Variants in DZANK1 observed in about 807,000 individuals in gnomAD.
DZANK1 encodes the protein double zinc ribbon and ankyrin repeat-containing protein 1.
DZANK1 carries 91 observed loss-of-function variants against 94.5 expected under a neutral mutation model. The observed-to-expected ratio is 0.96, with a 90% CI of 0.81 to 1.15. The LOEUF (loss-of-function observed/expected upper bound fraction) is 1.15, where lower values mean the gene tolerates loss of function less well. DZANK1 is among the 50% of genes most tolerant of loss of function. The pLI, the probability that DZANK1 is intolerant of heterozygous loss-of-function variation, is 0.00. For missense variants in DZANK1, 903 were observed against 916.4 expected (o/e 0.99, Z 0.19); for synonymous variants, 312 against 325.3 (o/e 0.96, Z 0.44).
intron 8 of DZANK1, among the ~76,000 whole-genome samples, chr20:18,438,835 A>G (rs971661001): frequency 1.1e-4 from 16 of 152,202 alleles, no homozygotes; most frequent in African/African-American, 3.9e-4. Flanking sequence ...CTGTGTCTTC[A>G]TATGGTGGAA....
chr20:18,426,577 A>T (rs8120921), intron 10 of DZANK1, among the ~76,000 whole-genome samples: 3,789 of 152,326 alleles, frequency 0.025, 157 homozygotes, highest in African/African-American at 0.086. Context: ...AAAATAGATC[A>T]TCACCGTATT....
Position 18,415,398 on chromosome 20 carries a change from TC to T in DZANK1, c.1005del (p.Thr336ProfsTer55), listed in dbSNP as rs775441744. The T allele has an allele frequency of 3.1e-6, 5 of 1,591,734 alleles. No homozygotes were observed. Among genetic ancestry groups the T allele is most frequent in the Admixed American group, 1.8e-5 (1 of 56,858 alleles). On this transcript the variant is annotated frameshift_variant, in exon 11 of 21. Coordinates refer to ENST00000262547, the Ensembl canonical transcript of DZANK1. LOFTEE classifies it high-confidence loss of function. Reference sequence around the variant, plus strand: ...CGACCACATCTGTAGCAGGAAATGGTCCCCCCTTTCTGAGTGGGCGGAGGAG... The same window carrying T: ...CGACCACATCTGTAGCAGGAAATGGTCCCCCTTTCTGAGTGGGCGGAGGAG...
chr20:18,401,584 T>A (rs977695991), intron 13 of DZANK1, among the ~76,000 whole-genome samples: 2 of 152,192 alleles, frequency 1.3e-5, no homozygotes, highest in African/African-American at 4.8e-5. Context: ...CAAGATTATT[T>A]CATCCACAAG....
intron 8 of DZANK1, among the ~76,000 whole-genome samples, chr20:18,435,065 G>C (rs576633043): frequency 6.6e-6 from 1 of 152,136 alleles, no homozygotes; most frequent in African/African-American, 2.4e-5. Flanking sequence ...CACCCACACC[G>C]CCCTGGCTGA....
intron 8 of DZANK1, among the ~76,000 whole-genome samples, chr20:18,443,129 C>A (rs879424843): frequency 1.3e-5 from 2 of 152,090 alleles, no homozygotes; most frequent in Admixed American, 1.3e-4. Context: ...AGATTCCAAT[C>A]TTTTTTAAGC....
At position 18,398,086 on chromosome 20, in the gene DZANK1, C is replaced by A. The variant is rs186457113; in HGVS notation, c.1536+437G>T. 4.6e-5 allele frequency among the ~76,000 whole-genome samples: 7 copies of A among 152,260 alleles called. No homozygotes were observed. In the East Asian group the frequency reaches 1.2e-3, roughly 25 times the overall value. ...TTAAAGTGATCACAAAGGTAATACA[C>A]CTCCCTTGCAGGTTTGCTGTGAAGG... On this transcript the variant is annotated intron_variant, in intron 14 of 20. Coordinates refer to ENST00000262547, the Ensembl canonical transcript of DZANK1.
intron 10 of DZANK1, chr20:18,420,552 G>T: frequency 8.9e-6 from 2 of 225,024 alleles, no homozygotes; most frequent in Non-Finnish European, 1.9e-5. Context: ...TCATCCTCTA[G>T]CACATGCCCC....
chr20:18,396,402 A>C, intron 15 of DZANK1, 70 bp downstream of exon 15: 3 of 1,288,968 alleles, frequency 2.3e-6, no homozygotes, highest in Non-Finnish European at 3.3e-6. Context: ...ACACAGAAGC[A>C]TTTCTATAAA....
intron 9 of DZANK1, 115 bp from the exon 10 acceptor site, chr20:18,427,274 G>C: frequency 1.6e-6 from 1 of 639,940 alleles, no homozygotes; most frequent in Non-Finnish European, 2.6e-6. Context: ...ACTGCACCCA[G>C]GCCCTGAATA....
intron 15 of DZANK1, chr20:18,394,788 C>T (rs2056241076): frequency 2.2e-6 from 1 of 457,554 alleles, no homozygotes; most frequent in African/African-American, 2.0e-5. Context: ...AATCCTGGGT[C>T]TGCCACTTAC....
intron 3 of DZANK1, among the ~76,000 whole-genome samples, chr20:18,458,595 C>T (rs1485029966): frequency 2.6e-5 from 4 of 152,210 alleles, no homozygotes; most frequent in Admixed American, 6.5e-5. Flanking sequence ...TTAACTTATT[C>T]GCCTCAGCAT....
At chr20:18,395,984 A>G (rs560368802) in intron 15 of DZANK1, among the ~76,000 whole-genome samples, 1 of 152,272 alleles carries the variant, frequency 6.6e-6, no homozygotes, top group South Asian at 2.1e-4. Context: ...TGGCTTCTCA[A>G]TTGATTGATT....
In DZANK1 at chr20:18,452,752, T is replaced by C; in HGVS notation, c.476-70A>G. On this transcript the variant is annotated intron_variant, in intron 5 of 20. Transcript: ENST00000262547. ...CCTACCTGGACGTCTACAATGATAT[T>C]AAAAACATTATTCTTTGAGCATCTG... 1 of 1,546,124 alleles carries C rather than the reference T, an allele frequency of 6.5e-7. No individual in the cohort carries two copies. Among genetic ancestry groups the C allele is most frequent in the Non-Finnish European group, 8.7e-7 (1 of 1,146,562 alleles).
At chr20:18,451,181 T>A (rs1443800525) in intron 6 of DZANK1, among the ~76,000 whole-genome samples, 1 of 152,162 alleles carries the variant, frequency 6.6e-6, no homozygotes, top group African/African-American at 2.4e-5. Flanking sequence ...CCTGACCTCA[T>A]GATCTGCCTG....
intron 13 of DZANK1, among the ~76,000 whole-genome samples, chr20:18,402,183 C>T (rs2056719045): frequency 6.6e-6 from 1 of 152,120 alleles, no homozygotes; most frequent in African/African-American, 2.4e-5. Context: ...GCAGGAAAGG[C>T]TCCCCCAACC....
At chr20:18,466,114 T>A (rs575106865) in intron 1 of DZANK1, among the ~76,000 whole-genome samples, 4 of 152,302 alleles carry the variant, frequency 2.6e-5, no homozygotes, top group African/African-American at 9.6e-5. Context: ...ACAGAAGGTT[T>A]CAGGGGGAAA....
rs2058993013 is a variant in DZANK1, at chr20:18,448,973, G to A, written c.629+11C>T. On this transcript the variant is annotated intron_variant, in intron 7 of 20. Transcript: ENST00000262547. Reference sequence around the variant, plus strand: ...GGATTTAAGGCAGAGTAAAGAGAATGTGATACTTACTTGAGAAAGTCTGTC... The same window carrying A: ...GGATTTAAGGCAGAGTAAAGAGAATATGATACTTACTTGAGAAAGTCTGTC... The A allele has an allele frequency of 1.9e-6, 3 of 1,591,122 alleles. No homozygotes were observed. The highest frequency in any genetic ancestry group is 1.1e-5 in the South Asian group (1 of 90,674).
intron 13 of DZANK1, among the ~76,000 whole-genome samples, chr20:18,410,575 A>G (rs1259007966): frequency 6.6e-6 from 1 of 152,246 alleles, no homozygotes; most frequent in African/African-American, 2.4e-5. Flanking sequence ...TTTATCAATA[A>G]TAACATTAAA....
At chr20:18,388,776 C>T (rs1267335539) in intron 19 of DZANK1, among the ~76,000 whole-genome samples, 1 of 152,166 alleles carries the variant, frequency 6.6e-6, no homozygotes, top group African/African-American at 2.4e-5. Context: ...TATTAAAATG[C>T]AGACATTAGT....
Sources: gnomAD v4.1 joint callset for allele counts (sites outside exome capture counted in the v4.1 genomes callset) on GRCh38, gnomAD v4.1.1 for gene constraint, MANE v1.5 for transcripts, NCBI Gene and HGNC (gene_info 2026-07-23, HGNC 2026-07-21) for gene names.